The following EDNRB variants were observed in gnomAD, a reference collection of about 807,000 sequenced individuals.
EDNRB encodes the protein endothelin receptor type B.
EDNRB carries 18 observed loss-of-function variants against 46.4 expected under a neutral mutation model. The observed-to-expected ratio is 0.39, with a 90% CI of 0.27 to 0.57. The LOEUF is 0.57. Ranked by LOEUF, EDNRB falls within the 20% of genes least tolerant of loss-of-function variation. The probability of loss-of-function intolerance (pLI) is 0.61; values close to 1 mark genes in which losing one functional copy is unlikely to be tolerated. For synonymous variants in EDNRB, 213 were observed against 204.9 expected (o/e 1.04, Z -0.34); for missense variants, 434 against 537.5 (o/e 0.81, Z 1.90).
intron 1 of EDNRB, among the ~76,000 whole-genome samples, chr13:77,927,946 T>G (rs541445285): frequency 1.4e-4 from 22 of 152,272 alleles, no homozygotes; most frequent in African/African-American, 4.8e-4. Context: ...TCTGATGGTT[T>G]TATAAATGAG....
chr13:77,958,672 C>T (rs900488009), intron 1 of EDNRB, among the ~76,000 whole-genome samples: 7 of 152,188 alleles, frequency 4.6e-5, no homozygotes, highest in African/African-American at 1.2e-4. Flanking sequence ...CTGCCCCCAG[C>T]CCCCAGGTTA....
chr13:77,927,512 T>C (rs1294745685), intron 1 of EDNRB, among the ~76,000 whole-genome samples: 3 of 152,188 alleles, frequency 2.0e-5, no homozygotes, highest in Admixed American at 2.0e-4. Flanking sequence ...GTAGACCTGA[T>C]ATTTAGGTGA....
chr13:77,910,099 G>C (rs1033558021), intron 1 of EDNRB, among the ~76,000 whole-genome samples: 1 of 151,988 alleles, frequency 6.6e-6, no homozygotes, highest in African/African-American at 2.4e-5. Context: ...AAGAGCTTCA[G>C]CTGTGGAGAG....
intron 1 of EDNRB, among the ~76,000 whole-genome samples, chr13:77,907,687 T>G (rs1879349481): frequency 6.6e-6 from 1 of 151,908 alleles, no homozygotes; most frequent in Non-Finnish European, 1.5e-5. Context: ...ATTGTTATCC[T>G]GTAGGTATGG....
At chr13:77,903,658 CT>C in intron 1 of EDNRB, 51 bp from the exon 2 acceptor site, 1 of 1,475,254 alleles carries the variant, frequency 6.8e-7, no homozygotes, top group Non-Finnish European at 9.5e-7. Context: ...AAGATGCCCT[CT>C]GAATTGTATC....
intron 1 of EDNRB, among the ~76,000 whole-genome samples, chr13:77,957,018 C>T (rs144152465): frequency 6.6e-6 from 1 of 152,154 alleles, no homozygotes; most frequent in African/African-American, 2.4e-5. Context: ...TGGAGGAGCC[C>T]ATTATTCTAC....
chr13:77,898,365 T>A (rs753779387), intron 6 of EDNRB, 31 bp from the exon 7 acceptor site: 1 of 1,610,290 alleles, frequency 6.2e-7, no homozygotes, highest in African/African-American at 1.3e-5. Context: ...CATTATATGT[T>A]AACATCAGTC....
At chr13:77,924,507 G>A (rs771303472), upstream of EDNRB, among the ~76,000 whole-genome samples, 9 of 151,944 alleles carry the variant, frequency 5.9e-5, no homozygotes, top group Non-Finnish European at 7.4e-5. Flanking sequence ...TCCAAGAAGC[G>A]GTTAATTCCT....
chr13:77,970,119 C>T (rs1001370503), intron 1 of EDNRB, among the ~76,000 whole-genome samples: 6 of 152,236 alleles, frequency 3.9e-5, no homozygotes, highest in South Asian at 4.1e-4. Context: ...AGAACAATTG[C>T]TTCATTTAAA....
intron 1 of EDNRB, among the ~76,000 whole-genome samples, chr13:77,907,569 T>C (rs139541462): frequency 6.6e-6 from 1 of 152,004 alleles, no homozygotes; most frequent in Non-Finnish European, 1.5e-5. Context: ...TCTGTTTCTC[T>C]GGAGAACCCT....
At chr13:77,927,280 T>A (rs956517245) in intron 1 of EDNRB, among the ~76,000 whole-genome samples, 11 of 152,142 alleles carry the variant, frequency 7.2e-5, no homozygotes, top group Non-Finnish European at 1.5e-4. Context: ...GTTCAGAGAA[T>A]CCAAAGCTGA....
At chr13:77,963,023 G>T (rs1881472572) in intron 1 of EDNRB, among the ~76,000 whole-genome samples, 1 of 152,248 alleles carries the variant, frequency 6.6e-6, no homozygotes, top group East Asian at 1.9e-4. Context: ...ATTCACAATT[G>T]CTTCAAGGAG....
chr13:77,949,779 T>TC (rs1217062222), intron 1 of EDNRB, among the ~76,000 whole-genome samples: 2 of 152,082 alleles, frequency 1.3e-5, no homozygotes, highest in Non-Finnish European at 2.9e-5. Context: ...CTGTGAGTAA[T>TC]CCCACAAAGC....
chr13:77,916,914 C>CT (rs11388909), intron 1 of EDNRB, among the ~76,000 whole-genome samples: 78,169 of 147,330 alleles, frequency 0.53, 21,491 homozygotes, highest in Middle Eastern at 0.65. Flanking sequence ...ATTTAGACTG[C>CT]TTTTTTTTTT....
chr13:77,971,430 C>G (rs924467193), intron 1 of EDNRB, among the ~76,000 whole-genome samples: 3 of 152,198 alleles, frequency 2.0e-5, no homozygotes, highest in African/African-American at 7.2e-5. Flanking sequence ...TTTGGAAACT[C>G]CATCTAGTTG....
intron 1 of EDNRB, among the ~76,000 whole-genome samples, chr13:77,942,980 A>G (rs1303042965): frequency 6.6e-6 from 1 of 152,180 alleles, no homozygotes; most frequent in Non-Finnish European, 1.5e-5. Flanking sequence ...TTTTACTAGA[A>G]TAAAATTTCT....
chr13:77,916,781 A>G (rs1879827189), intron 1 of EDNRB, among the ~76,000 whole-genome samples: 2 of 152,218 alleles, frequency 1.3e-5, no homozygotes, highest in Admixed American at 1.3e-4. Flanking sequence ...TCTGCAAAGC[A>G]CAATTCCATT....
At chr13:77,949,981 G>C (rs148542637) in intron 1 of EDNRB, among the ~76,000 whole-genome samples, 131 of 152,202 alleles carry the variant, frequency 8.6e-4, no homozygotes, top group African/African-American at 3.0e-3. Context: ...TCTGGATCTT[G>C]ATCTGGAACT....
upstream of EDNRB, among the ~76,000 whole-genome samples, chr13:77,924,631 T>C (rs1258956361): frequency 1.3e-5 from 2 of 152,180 alleles, no homozygotes; most frequent in Admixed American, 1.3e-4. Flanking sequence ...ATGTAACAGA[T>C]CTCTGTAACT....
Sources: gnomAD v4.1 joint callset for allele counts (sites outside exome capture counted in the v4.1 genomes callset) on GRCh38, gnomAD v4.1.1 for gene constraint, MANE v1.5 for transcripts, NCBI Gene and HGNC (gene_info 2026-07-23, HGNC 2026-07-21) for gene names.